ZCWPW2: variants seen among roughly 807,000 people sequenced by gnomAD.
The protein encoded by ZCWPW2 is zinc finger CW-type and PWWP domain containing 2.
A neutral mutation model predicts 46.6 loss-of-function variants in ZCWPW2; 45 were observed. That is an observed-to-expected ratio of 0.96 (90% CI 0.76 to 1.24). The LOEUF is 1.24. Among genes scored for constraint, ZCWPW2 ranks in the 50% most tolerant of loss-of-function variants. The pLI is 0.00. For synonymous variants in ZCWPW2, 152 were observed against 137.1 expected (o/e 1.11, Z -0.76); for missense variants, 429 against 403.9 (o/e 1.06, Z -0.53).
chr3:28,457,429 T>G (rs11918676), intron 4 of ZCWPW2, among the ~76,000 whole-genome samples: 1,685 of 152,306 alleles, frequency 0.011, 27 homozygotes, highest in African/African-American at 0.03. Flanking sequence ...ACTAACATTT[T>G]TTTAGGTTCA....
At chr3:28,431,289 C>T (rs909893120) in intron 3 of ZCWPW2, among the ~76,000 whole-genome samples, 23 of 152,014 alleles carry the variant, frequency 1.5e-4, no homozygotes, top group Non-Finnish European at 2.6e-4. Context: ...TATTTGTTTG[C>T]TAGGGCTGCC....
intron 4 of ZCWPW2, among the ~76,000 whole-genome samples, chr3:28,435,485 CTT>C (rs1197458440): frequency 2.8e-3 from 376 of 134,114 alleles, no homozygotes; most frequent in African/African-American, 8.9e-3. Context: ...TTCTTTCTGT[CTT>C]TTTTTTTTTT....
At chr3:28,515,737 G>GTA in intron 8 of ZCWPW2, 116 bp downstream of exon 8, 1 of 799,766 alleles carries the variant, frequency 1.3e-6, no homozygotes, top group Non-Finnish European at 1.9e-6. Flanking sequence ...GTGTGTGTGT[G>GTA]TGTGTGTGTA....
intron 8 of ZCWPW2, among the ~76,000 whole-genome samples, chr3:28,516,460 C>T (rs1458125005): frequency 1.3e-5 from 2 of 151,976 alleles, no homozygotes; most frequent in African/African-American, 4.8e-5. Flanking sequence ...GGTTAGAACA[C>T]AGTAGAGTGA....
chr3:28,412,742 G>C (rs1018407199), intron 2 of ZCWPW2, among the ~76,000 whole-genome samples: 1 of 152,018 alleles, frequency 6.6e-6, no homozygotes, highest in Non-Finnish European at 1.5e-5. Context: ...AAATGTACTT[G>C]ATGTATACCA....
chr3:28,429,902 T>C (rs1697178381), intron 3 of ZCWPW2, among the ~76,000 whole-genome samples: 1 of 152,156 alleles, frequency 6.6e-6, no homozygotes, highest in African/African-American at 2.4e-5. Flanking sequence ...AACCTCCACC[T>C]AGATTTCAGA....
chr3:28,428,798 C>T (rs1697126383), intron 3 of ZCWPW2, among the ~76,000 whole-genome samples: 1 of 152,142 alleles, frequency 6.6e-6, no homozygotes, highest in Non-Finnish European at 1.5e-5. Context: ...TTTCCCCCTT[C>T]ACTTGGCACT....
At chr3:28,349,404 G>T (rs1445929687) in intron 1 of ZCWPW2, among the ~76,000 whole-genome samples, 1 of 152,168 alleles carries the variant, frequency 6.6e-6, no homozygotes, top group Non-Finnish European at 1.5e-5. Context: ...CCGTTCCTCT[G>T]TAGCCTCTGT....
intron 2 of ZCWPW2, among the ~76,000 whole-genome samples, chr3:28,406,263 A>G (rs1696153927): frequency 6.6e-6 from 1 of 152,218 alleles, no homozygotes; most frequent in African/African-American, 2.4e-5. Context: ...AGGAGAGAAC[A>G]TGAAGGGTGT....
intron 1 of ZCWPW2, among the ~76,000 whole-genome samples, chr3:28,378,618 G>A (rs191955658): frequency 3.3e-5 from 5 of 152,198 alleles, no homozygotes; most frequent in Non-Finnish European, 7.4e-5. Flanking sequence ...AACGAAGTGA[G>A]AATTTAAGCC....
intron 1 of ZCWPW2, among the ~76,000 whole-genome samples, chr3:28,388,879 G>C (rs958558733): frequency 1.3e-5 from 2 of 152,168 alleles, no homozygotes; most frequent in Non-Finnish European, 2.9e-5. Context: ...TTTAGTCACA[G>C]TACGTGGTAA....
At chr3:28,508,502 TTTTTG>T (rs539590147) in intron 6 of ZCWPW2, among the ~76,000 whole-genome samples, 20 of 152,154 alleles carry the variant, frequency 1.3e-4, no homozygotes, top group Middle Eastern at 3.4e-3. Context: ...ACTTTCAACC[TTTTTG>T]TTTTGTTTTG....
At chr3:28,389,089 G>A (rs917989509) in intron 1 of ZCWPW2, among the ~76,000 whole-genome samples, 6 of 152,124 alleles carry the variant, frequency 3.9e-5, no homozygotes, top group Non-Finnish European at 7.4e-5. Context: ...GTGTCTCCTA[G>A]TGGAAGCATT....
In ZCWPW2 at chr3:28,381,010, A is replaced by ATT. The variant is rs1384864934; in HGVS notation, c.-133-9487_-133-9486insTT. 7.5e-5 allele frequency among the ~76,000 whole-genome samples: 3 copies of ATT among 40,200 alleles called. 1 individual carries two copies. The highest frequency in any genetic ancestry group is 1.4e-4 in the Non-Finnish European group (3 of 21,376). 26.4% of individuals were successfully genotyped at this position (40,200 alleles called of 152,430 possible). ...ATATATATATATTTGGTATATATAT[A>ATT]TATATATATATTTGGTATATATATA... On this transcript the variant is annotated intron_variant, in intron 1 of 9. Coordinates refer to ENST00000383768, the MANE Select transcript of ZCWPW2 (RefSeq NM_001040432.4).
intron 1 of ZCWPW2, among the ~76,000 whole-genome samples, chr3:28,353,962 A>C (rs1704642279): frequency 1.3e-5 from 2 of 152,198 alleles, no homozygotes; most frequent in African/African-American, 4.8e-5. Context: ...CTCTTTTGCT[A>C]ATTGAGATAT....
At chr3:28,379,196 C>A (rs970515275) in intron 1 of ZCWPW2, among the ~76,000 whole-genome samples, 10 of 152,116 alleles carry the variant, frequency 6.6e-5, no homozygotes, top group Non-Finnish European at 1.2e-4. Context: ...TGCAGCAAAT[C>A]AGTGACAGAG....
In ZCWPW2 at chr3:28,381,390, A is replaced by G. The variant is rs1022434235; in HGVS notation, c.-133-9108A>G. On this transcript the variant is annotated intron_variant, in intron 1 of 9. Transcript: ENST00000383768. ...TACCAAGAAAATCATAAGAGAAAAT[A>G]TATTTACTATTTATTAAGTGGAACT... Among the ~76,000 whole-genome samples the G allele has an allele frequency of 2.6e-5, 4 of 152,014 alleles. No homozygotes were observed. In the East Asian group the frequency reaches 5.8e-4, roughly 22 times the overall value.
chr3:28,361,203 G>T (rs1704927429), intron 1 of ZCWPW2, among the ~76,000 whole-genome samples: 1 of 152,152 alleles, frequency 6.6e-6, no homozygotes, highest in Non-Finnish European at 1.5e-5. Flanking sequence ...GAACAGAATG[G>T]AGAGCCCAGA....
intron 4 of ZCWPW2, among the ~76,000 whole-genome samples, chr3:28,441,774 G>C (rs889661485): frequency 3.9e-5 from 6 of 152,310 alleles, no homozygotes; most frequent in Middle Eastern, 3.4e-3. Context: ...AGATGGGTCA[G>C]AAAGCACCCA....
Sources: gnomAD v4.1 joint callset for allele counts (sites outside exome capture counted in the v4.1 genomes callset) on GRCh38, gnomAD v4.1.1 for gene constraint, MANE v1.5 for transcripts, NCBI Gene and HGNC (gene_info 2026-07-23, HGNC 2026-07-21) for gene names.